The following UBE2G1 variants were observed in gnomAD, a reference collection of about 807,000 sequenced individuals.
UBE2G1 encodes ubiquitin-conjugating enzyme E2 G1.
A neutral mutation model predicts 22.7 loss-of-function variants in UBE2G1; 5 were observed. The observed-to-expected ratio is 0.22, with a 90% CI of 0.12 to 0.46. The LOEUF is 0.46. Ranked by LOEUF, UBE2G1 falls within the 20% of genes least tolerant of loss-of-function variation. UBE2G1 has a pLI of 0.99. For missense variants in UBE2G1, 88 were observed against 203.9 expected, an observed-to-expected ratio of 0.43 and a Z score of 3.46; for synonymous variants, 74 against 67.5, an observed-to-expected ratio of 1.10 and a Z score of -0.47.
intron 1 of UBE2G1, among the ~76,000 whole-genome samples, chr17:4,354,876 G>A (rs573839129): frequency 4.6e-5 from 7 of 151,288 alleles, no homozygotes; most frequent in African/African-American, 1.7e-4. Flanking sequence ...GATTGAGGCT[G>A]CAGTAGGCCA....
chr17:4,316,680 A>AT (rs1168853997), intron 1 of UBE2G1, among the ~76,000 whole-genome samples: 1 of 152,144 alleles, frequency 6.6e-6, no homozygotes, highest in South Asian at 2.1e-4. Flanking sequence ...CGGCTAGCTG[A>AT]TTTCCTAATC....
rs537156308 is a variant in UBE2G1, at chr17:4,296,868, T to C, written c.150-54A>G. ...GCCTATAAGTTCCTGCTTTTAAGTA[T>C]AGAAGTGTTAAAACAAATATAAAAC... On this transcript the variant is annotated intron_variant, in intron 2 of 5. Transcript: ENST00000396981. 56 of 1,482,206 alleles carry C rather than the reference T, an allele frequency of 3.8e-5. No individual in the cohort carries two copies. The African/African-American group carries it at 6.3e-4, about 17-fold the overall frequency. 91.8% of individuals were successfully genotyped at this position (1,482,206 alleles called of 1,614,324 possible).
intron 1 of UBE2G1, among the ~76,000 whole-genome samples, chr17:4,358,229 T>C (rs1402241442): frequency 6.6e-6 from 1 of 152,166 alleles, no homozygotes; most frequent in African/African-American, 2.4e-5. Context: ...TGTTTGCTAT[T>C]TGTATGTCCT....
intron 4 of UBE2G1, among the ~76,000 whole-genome samples, chr17:4,283,416 C>G (rs1267990324): frequency 6.6e-6 from 1 of 152,144 alleles, no homozygotes; most frequent in Non-Finnish European, 1.5e-5. Flanking sequence ...AGGAAAATCG[C>G]TTGAACTGGG....
intron 1 of UBE2G1, among the ~76,000 whole-genome samples, chr17:4,309,237 T>G (rs559298632): frequency 6.6e-5 from 10 of 152,318 alleles, no homozygotes; most frequent in Middle Eastern, 3.4e-3. Context: ...CCAGCCTGGG[T>G]GACAATGCGA....
chr17:4,298,620 A>G (rs1969138127), intron 2 of UBE2G1, among the ~76,000 whole-genome samples: 1 of 152,222 alleles, frequency 6.6e-6, no homozygotes, highest in African/African-American at 2.4e-5. Flanking sequence ...TCAGAGTATA[A>G]AGTCAGTGAC....
At chr17:4,360,968 A>C (rs113630724) in intron 1 of UBE2G1, among the ~76,000 whole-genome samples, 2,690 of 152,332 alleles carry the variant, frequency 0.018, 73 homozygotes, top group African/African-American at 0.062. Context: ...CTGCCTGTAA[A>C]TCCCACCACT....
intron 1 of UBE2G1, among the ~76,000 whole-genome samples, chr17:4,349,725 C>G (rs1162122894): frequency 6.6e-6 from 1 of 151,858 alleles, no homozygotes; most frequent in African/African-American, 2.4e-5. Context: ...CACCAGTAGT[C>G]CCAGCTACTC....
chr17:4,365,756 C>A (rs1245696120), intron 1 of UBE2G1, among the ~76,000 whole-genome samples: 1 of 152,198 alleles, frequency 6.6e-6, no homozygotes, highest in East Asian at 1.9e-4. Flanking sequence ...GGCCCCAACT[C>A]CGCGGACCCA....
chr17:4,332,605 G>A (rs1174252158), intron 1 of UBE2G1, among the ~76,000 whole-genome samples: 1 of 152,010 alleles, frequency 6.6e-6, no homozygotes, highest in East Asian at 1.9e-4. Flanking sequence ...TCAGCTAACC[G>A]CTCTGCCACC....
At chr17:4,276,960 T>G (rs551198637) in intron 5 of UBE2G1, among the ~76,000 whole-genome samples, 1 of 152,298 alleles carries the variant, frequency 6.6e-6, no homozygotes, top group African/African-American at 2.4e-5. Context: ...TCTAATCCAC[T>G]AGTCACTGAA....
At chr17:4,333,663 T>A (rs1969610695) in intron 1 of UBE2G1, among the ~76,000 whole-genome samples, 1 of 151,610 alleles carries the variant, frequency 6.6e-6, no homozygotes, top group Admixed American at 6.6e-5. Flanking sequence ...CTACTAAAAA[T>A]ACAAAAAATT....
At chr17:4,280,027 G>C (rs1035328102) in intron 5 of UBE2G1, among the ~76,000 whole-genome samples, 4 of 150,784 alleles carry the variant, frequency 2.7e-5, no homozygotes, top group Non-Finnish European at 5.9e-5. Context: ...TCCAGATTTA[G>C]ATAGATAGAC....
In UBE2G1 at chr17:4,272,526, C is replaced by A. The variant is rs957262096; in HGVS notation, c.*38-10G>T. On this transcript the variant is annotated splice_polypyrimidine_tract_variant and intron_variant, in intron 5 of 5. Coordinates refer to ENST00000396981, the MANE Select transcript of UBE2G1 (RefSeq NM_003342.5). ...TTTCTCAATTGGAGACCTACAACAA[C>A]AAAAACAACATTATATAGTCAATTC... 4.3e-5 allele frequency: 8 copies of A among 186,554 alleles called. No individual in the cohort carries two copies. The highest frequency in any genetic ancestry group is 7.9e-5 in the Non-Finnish European group (7 of 88,746). 11.6% of individuals were successfully genotyped at this position (186,554 alleles called of 1,614,324 possible).
intron 5 of UBE2G1, among the ~76,000 whole-genome samples, chr17:4,273,206 A>G (rs1251522553): frequency 6.6e-6 from 1 of 152,236 alleles, no homozygotes; most frequent in Admixed American, 6.5e-5. Flanking sequence ...GCAGCATGCT[A>G]AGCGCTTTAC....
intron 2 of UBE2G1, chr17:4,302,848 TA>T: frequency 5.9e-6 from 1 of 169,864 alleles, no homozygotes; most frequent in Admixed American, 6.1e-5. Context: ...TTTCAAAGTG[TA>T]TTTGTGAGAA....
At chr17:4,365,410 C>T (rs1970020982) in intron 1 of UBE2G1, among the ~76,000 whole-genome samples, 1 of 152,230 alleles carries the variant, frequency 6.6e-6, no homozygotes, top group African/African-American at 2.4e-5. Context: ...AAAAGTCAAC[C>T]TGGAAGCCGC....
At chr17:4,319,988 T>C (rs1224605256) in intron 1 of UBE2G1, among the ~76,000 whole-genome samples, 3 of 151,940 alleles carry the variant, frequency 2.0e-5, no homozygotes, top group Non-Finnish European at 4.4e-5. Context: ...TTTAATAATA[T>C]ATGCTGTCAT....
At chr17:4,352,084 T>TC (rs1969852172) in intron 1 of UBE2G1, among the ~76,000 whole-genome samples, 2 of 151,804 alleles carry the variant, frequency 1.3e-5, no homozygotes, top group Admixed American at 1.3e-4. Context: ...ATGGTGAAAC[T>TC]CCGTCTTTTA....
Sources: allele counts gnomAD v4.1 joint callset (sites outside exome capture counted in the v4.1 genomes callset), GRCh38; gene constraint gnomAD v4.1.1; transcripts MANE v1.5; gene names NCBI Gene and HGNC (gene_info 2026-07-23, HGNC 2026-07-21).